Variants in PRKCZ observed in about 807,000 individuals in gnomAD.
PRKCZ encodes the protein protein kinase C zeta type.
PRKCZ carries 33 observed loss-of-function variants against 79.5 expected under a neutral mutation model. That is an observed-to-expected ratio of 0.41 (90% CI 0.31 to 0.55). The LOEUF (loss-of-function observed/expected upper bound fraction) is 0.55, where lower values mean the gene tolerates loss of function less well. Among genes scored for constraint, PRKCZ ranks in the 20% least tolerant of loss-of-function variants. The pLI, the probability that PRKCZ is intolerant of heterozygous loss-of-function variation, is 0.19. For synonymous variants in PRKCZ, 342 were observed against 320.9 expected (o/e 1.07, Z -0.70); for missense variants, 578 against 813.5 (o/e 0.71, Z 3.52).
chr1:2,112,115 C>T (rs1385720315), intron 4 of PRKCZ, among the ~76,000 whole-genome samples: 1 of 152,226 alleles, frequency 6.6e-6, no homozygotes, highest in African/African-American at 2.4e-5. Context: ...AATGTGGTTT[C>T]CAGCAGAGCT....
chr1:2,135,430 C>A (rs573679795), intron 5 of PRKCZ, 83 bp downstream of exon 5: 8 of 1,305,138 alleles, frequency 6.1e-6, no homozygotes, highest in Admixed American at 4.9e-5. Context: ...AGGCACGTCC[C>A]GCTGAGCCCA....
At chr1:2,163,182 C>A (rs555660008) in intron 10 of PRKCZ, among the ~76,000 whole-genome samples, 11 of 152,362 alleles carry the variant, frequency 7.2e-5, no homozygotes, top group Middle Eastern at 3.4e-3. Context: ...GCACCGGAAG[C>A]GCAGTGCCAT....
chr1:2,096,460 ACGC>A (rs1666535138), intron 4 of PRKCZ, among the ~76,000 whole-genome samples: 1 of 151,814 alleles, frequency 6.6e-6, no homozygotes. Context: ...GACGCCAGGA[ACGC>A]GGTTGTACGG....
chr1:2,128,164 T>C lies in PRKCZ; in HGVS notation c.335-7098T>C, dbSNP rs1674307203. Reference sequence around the variant, plus strand: ...CTGGGCCCAAGGGCACCTCACTGTCTCCTTGTCCTCCTGGTCACTGACCTG... The same window carrying C: ...CTGGGCCCAAGGGCACCTCACTGTCCCCTTGTCCTCCTGGTCACTGACCTG... On this transcript the variant is annotated intron_variant, in intron 4 of 17. Coordinates refer to ENST00000378567, the MANE Select transcript of PRKCZ (RefSeq NM_002744.6). This position sits in a 1 kb window ranked among gnomAD's most constrained non-coding sequence, Gnocchi z 6.5. Among the ~76,000 whole-genome samples, 1 of 152,214 alleles carries C rather than the reference T, an allele frequency of 6.6e-6. No individual in the cohort carries two copies. The highest frequency in any genetic ancestry group is 2.1e-4 in the South Asian group (1 of 4,834).
intron 4 of PRKCZ, among the ~76,000 whole-genome samples, chr1:2,091,259 A>T (rs904795257): frequency 6.6e-6 from 1 of 151,724 alleles, no homozygotes; most frequent in Non-Finnish European, 1.5e-5. Context: ...CTGCTCTCGA[A>T]CTCCTGACCT....
rs774389251 is a variant in PRKCZ, at chr1:2,055,493, G to A, written c.124G>A (p.Glu42Lys). ...DAATTFEELC[E>K]EVRDMCRLHQ... ...CGCCACGACCTTCGAGGAGCTCTGT[G>A]AGGAAGTGAGAGACATGTGTCGTCT... Residue 42 changes from glutamate (E) to lysine (K), a missense_variant, in exon 2 of 18, where the codon GAG becomes AAG. Glu to Lys is a moderately conservative substitution (Grantham distance 56). Transcript: ENST00000378567. 1 of 1,614,094 alleles carries A rather than the reference G, an allele frequency of 6.2e-7. No homozygotes were observed. Among genetic ancestry groups the A allele is most frequent in the Non-Finnish European group, 8.5e-7 (1 of 1,180,022 alleles).
At chr1:2,121,260 C>T (rs1671826874) in intron 4 of PRKCZ, among the ~76,000 whole-genome samples, 1 of 152,224 alleles carries the variant, frequency 6.6e-6, no homozygotes, top group Non-Finnish European at 1.5e-5. Context: ...ATGGGGGAGC[C>T]TGGAGGCCCA....
In PRKCZ at chr1:2,172,890, CGG is replaced by C. The variant is rs1684710503; in HGVS notation, c.1285+505_1285+506del. ...TGCAGCCGTGTGTGCGTGTGTGAAA[CGG>C]GGACGTGGGCACGCGTGTGCAGCCG... On this transcript the variant is annotated intron_variant, in intron 13 of 17. Coordinates refer to ENST00000378567, the MANE Select transcript of PRKCZ (RefSeq NM_002744.6). This position sits in a 1 kb window ranked among gnomAD's most constrained non-coding sequence, Gnocchi z 7.8. 6.6e-6 allele frequency among the ~76,000 whole-genome samples: 1 copy of C among 151,554 alleles called. No individual in the cohort carries two copies.
At chr1:2,112,168 C>T (rs1195851536) in intron 4 of PRKCZ, among the ~76,000 whole-genome samples, 3 of 152,178 alleles carry the variant, frequency 2.0e-5, no homozygotes, top group Non-Finnish European at 4.4e-5. Flanking sequence ...TTACAGGGTG[C>T]GGGTTCCAGG....
intron 4 of PRKCZ, among the ~76,000 whole-genome samples, chr1:2,081,632 C>T (rs912726496): frequency 1.2e-4 from 19 of 152,238 alleles, no homozygotes; most frequent in African/African-American, 3.6e-4. Context: ...ACACTGTGCC[C>T]GGACTTGGTG....
chr1:2,169,062 C>A (rs1328657525), intron 10 of PRKCZ: 5 of 443,422 alleles, frequency 1.1e-5, no homozygotes, highest in African/African-American at 1.0e-4. Flanking sequence ...CCGGTGGACT[C>A]CTCAGCCTTG....
intron 4 of PRKCZ, among the ~76,000 whole-genome samples, chr1:2,103,624 G>A (rs1307960641): frequency 6.6e-6 from 1 of 152,226 alleles, no homozygotes; most frequent in African/African-American, 2.4e-5. Flanking sequence ...GCGCGTGTCT[G>A]TAGGCCTAGC....
intron 15 of PRKCZ, 106 bp from the exon 16 acceptor site, chr1:2,175,118 G>A: frequency 2.1e-5 from 20 of 958,662 alleles, no homozygotes; most frequent in Non-Finnish European, 3.3e-5. Context: ...CTGGGTCAGA[G>A]CATCGGGGGA....
chr1:2,051,127 T>G, intron 1 of PRKCZ: 1 of 153,298 alleles, frequency 6.5e-6, no homozygotes, highest in Non-Finnish European at 1.5e-5. Flanking sequence ...TTAGCCAAAA[T>G]CCGGAGACCC....
At chr1:2,156,999 C>T (rs959581278) in intron 10 of PRKCZ, among the ~76,000 whole-genome samples, 10 of 152,134 alleles carry the variant, frequency 6.6e-5, no homozygotes, top group East Asian at 1.9e-4. Context: ...TCCTATAATC[C>T]GCCATCTGCA....
In PRKCZ at chr1:2,178,649, C is replaced by T. The variant is rs1572033490; in HGVS notation, c.1575+3336C>T. On this transcript the variant is annotated intron_variant, in intron 16 of 17. Transcript: ENST00000378567. The surrounding 1 kb of genome is among the most constrained non-coding windows in gnomAD (Gnocchi z 4.3). Reference sequence around the variant, plus strand: ...CTTTCAGGGGGGCCACCTGTTCCTGCAGCGGCTGCTTTCTGGTCCCTTTGG... The same window carrying T: ...CTTTCAGGGGGGCCACCTGTTCCTGTAGCGGCTGCTTTCTGGTCCCTTTGG... 6.6e-6 allele frequency among the ~76,000 whole-genome samples: 1 copy of T among 152,202 alleles called. No homozygotes were observed. Among genetic ancestry groups the T allele is most frequent in the African/African-American group, 2.4e-5 (1 of 41,454 alleles).
chr1:2,106,939 G>C (rs576835394), intron 4 of PRKCZ, among the ~76,000 whole-genome samples: 3 of 152,186 alleles, frequency 2.0e-5, no homozygotes, highest in African/African-American at 7.2e-5. Context: ...ACCTCTGCAC[G>C]TGTCTCCAGA....
In PRKCZ at chr1:2,174,733, C is replaced by T. The variant is rs1572008163; in HGVS notation, c.1406-21C>T. 4 of 1,611,430 alleles carry T rather than the reference C, an allele frequency of 2.5e-6. No individual in the cohort carries two copies. Among genetic ancestry groups the T allele is most frequent in the Non-Finnish European group, 3.4e-6 (4 of 1,177,630 alleles). ...ATGGCACACAACACAGGCAAGTCCT[C>T]ACCAGGCTCCGCCCTTGCAGTGATC... On this transcript the variant is annotated intron_variant, in intron 14 of 17. Coordinates refer to ENST00000378567, the MANE Select transcript of PRKCZ (RefSeq NM_002744.6). The surrounding 1 kb of genome is among the most constrained non-coding windows in gnomAD (Gnocchi z 6.2).
intron 4 of PRKCZ, among the ~76,000 whole-genome samples, chr1:2,071,028 T>A (rs896773570): frequency 8.5e-6 from 1 of 117,410 alleles, no homozygotes; most frequent in Non-Finnish European, 1.8e-5. Flanking sequence ...TACCATGGAG[T>A]CGCCTGCTGG....
Sources: allele counts gnomAD v4.1 joint callset (sites outside exome capture counted in the v4.1 genomes callset), GRCh38; gene constraint gnomAD v4.1.1; non-coding constraint Gnocchi (gnomAD v3.1); transcripts MANE v1.5; gene names NCBI Gene and HGNC (gene_info 2026-07-23, HGNC 2026-07-21).